BTBD3: variants seen among roughly 807,000 people sequenced by gnomAD.
BTBD3 encodes BTB domain containing 3.
BTBD3 carries 14 observed loss-of-function variants against 41.6 expected under a neutral mutation model. That is an observed-to-expected ratio of 0.34 (90% CI 0.22 to 0.53). The LOEUF is 0.53. Ranked by LOEUF, BTBD3 falls within the 20% of genes least tolerant of loss-of-function variation. The probability of loss-of-function intolerance (pLI) is 0.95; values close to 1 mark genes in which losing one functional copy is unlikely to be tolerated. For synonymous variants in BTBD3, 249 were observed against 233.7 expected, an observed-to-expected ratio of 1.07 and a Z score of -0.60; for missense variants, 426 against 654.7, an observed-to-expected ratio of 0.65 and a Z score of 3.81.
chr20:11,903,594 G>C (rs1467938674), intron 1 of BTBD3, among the ~76,000 whole-genome samples: 1 of 151,982 alleles, frequency 6.6e-6, no homozygotes, highest in Non-Finnish European at 1.5e-5. Context: ...TGGAAGATTA[G>C]CTCTTTGACT....
At position 11,923,247 on chromosome 20, in the gene BTBD3, C is replaced by T; in HGVS notation, c.1150C>T (p.Arg384Ter). 3 of 1,614,212 alleles carry T rather than the reference C, an allele frequency of 1.9e-6. No homozygotes were observed. The highest frequency in any genetic ancestry group is 2.5e-6 in the Non-Finnish European group (3 of 1,180,038). Residue 384 changes from arginine to a stop codon, truncating the protein, a stop_gained, in exon 4 of 4, where the codon CGA becomes TGA. Coordinates refer to ENST00000378226, the MANE Select transcript of BTBD3 (RefSeq NM_014962.4). LOFTEE classifies it high-confidence loss of function. This position sits in a 1 kb window ranked among gnomAD's most constrained non-coding sequence, Gnocchi z 5.3. ...RCHRFQSCAY[R>*]SNQWRYRGRC... ...TCACCGTTTCCAGTCGTGTGCCTAT[C>T]GAAGCAACCAATGGCGCTATCGTGG...
At chr20:11,900,560 G>C (rs1316188006) in intron 1 of BTBD3, among the ~76,000 whole-genome samples, 1 of 151,988 alleles carries the variant, frequency 6.6e-6, no homozygotes, top group African/African-American at 2.4e-5. Context: ...ACTCTATAGT[G>C]AGGGACTAAT....
intron 1 of BTBD3, among the ~76,000 whole-genome samples, chr20:11,892,854 A>G (rs1353736552): frequency 6.6e-6 from 1 of 152,178 alleles, no homozygotes; most frequent in Non-Finnish European, 1.5e-5. Flanking sequence ...ATCTGTGCGG[A>G]AAAACTTTTG....
At chr20:11,901,476 G>A in intron 1 of BTBD3, among the ~76,000 whole-genome samples, 1 of 152,102 alleles carries the variant, frequency 6.6e-6, no homozygotes, top group East Asian at 1.9e-4. Flanking sequence ...CTCTCATGGT[G>A]GACTTCCTTA....
chr20:11,924,848 G>T lies in BTBD3; in HGVS notation c.*1182G>T, dbSNP rs779064242. The T allele has an allele frequency of 4.6e-5, 7 of 152,584 alleles. No individual in the cohort carries two copies. Among genetic ancestry groups the T allele is most frequent in the Admixed American group, 2.0e-4 (3 of 15,276 alleles). The allele number at this position is 152,584 out of a possible 1,614,324, so 9.5% of individuals were successfully genotyped here. A position where few individuals can be genotyped will look rare whatever the true frequency, so the allele number is the denominator to read the frequency against. On this transcript the variant is annotated 3_prime_UTR_variant, in exon 4 of 4. Transcript: ENST00000378226. ...TAAAGTGCCAACATATGCCTGCAGG[G>T]TTTATAAAAAATGGCCTGGAGTGAC...
intron 1 of BTBD3, among the ~76,000 whole-genome samples, chr20:11,896,212 T>G (rs915986704): frequency 6.6e-6 from 1 of 152,216 alleles, no homozygotes; most frequent in Admixed American, 6.5e-5. Context: ...CAGAGTTGTT[T>G]TCTTCATCTG....
rs2122356875 is a variant in BTBD3, at chr20:11,925,299, C to T, written c.*1633C>T. 1 of 152,790 alleles carries T rather than the reference C, an allele frequency of 6.5e-6. No homozygotes were observed. The highest frequency in any genetic ancestry group is 2.4e-5 in the African/African-American group (1 of 41,562). 9.5% of individuals were successfully genotyped at this position (152,790 alleles called of 1,614,324 possible). A position where few individuals can be genotyped will look rare whatever the true frequency, so the allele number is the denominator to read the frequency against. On this transcript the variant is annotated 3_prime_UTR_variant, in exon 4 of 4. Coordinates refer to ENST00000378226, the MANE Select transcript of BTBD3 (RefSeq NM_014962.4). The stretch of plus-strand genomic sequence containing the variant: ...AGTAAGAGGTGGGACAGTAATGGTC[C>T]TCCTGCTGGCCCCAGCAAGGCCCAT...
upstream of BTBD3, among the ~76,000 whole-genome samples, chr20:11,916,913 C>G (rs1226315319): frequency 6.6e-6 from 1 of 151,908 alleles, no homozygotes; most frequent in Non-Finnish European, 1.5e-5. Context: ...TTTTACTCAC[C>G]AACGCTAGAA....
At chr20:11,903,012 G>A (rs1568609488) in intron 1 of BTBD3, among the ~76,000 whole-genome samples, 2 of 151,926 alleles carry the variant, frequency 1.3e-5, no homozygotes, top group Non-Finnish European at 2.9e-5. Context: ...CTAGATATAA[G>A]TGGACCAGAG....
In BTBD3 at chr20:11,918,164, A is replaced by G; in HGVS notation, c.-112A>G. 8 of 1,485,204 alleles carry G rather than the reference A, an allele frequency of 5.4e-6. No individual in the cohort carries two copies. The highest frequency in any genetic ancestry group is 7.1e-6 in the Non-Finnish European group (8 of 1,129,462). The allele number at this position is 1,485,204 out of a possible 1,614,324, so 92.0% of individuals were successfully genotyped here. On this transcript the variant is annotated 5_prime_UTR_variant, in exon 1 of 4. Transcript: ENST00000378226. ...ACCTTGCCTGGCTGAGAAAAGCAGC[A>G]AAATATCAGCTTTGTTGGTTTCAGT...
At chr20:11,895,721 G>A (rs1390975906) in intron 1 of BTBD3, among the ~76,000 whole-genome samples, 2 of 152,220 alleles carry the variant, frequency 1.3e-5, no homozygotes, top group Admixed American at 6.5e-5. Context: ...ATGGTCTACA[G>A]TGAGGAGGTG....
intron 1 of BTBD3, among the ~76,000 whole-genome samples, chr20:11,903,630 G>A (rs571125911): frequency 3.2e-4 from 49 of 151,582 alleles, no homozygotes; most frequent in African/African-American, 1.2e-3. Flanking sequence ...TTTTTGAGGC[G>A]GAGTTTCGCT....
intron 1 of BTBD3, among the ~76,000 whole-genome samples, chr20:11,906,052 A>T: frequency 6.6e-6 from 1 of 152,030 alleles, no homozygotes; most frequent in East Asian, 1.9e-4. Context: ...GAAAAATTTG[A>T]GCAGATTTAT....
chr20:11,902,035 C>G (rs2056826783), intron 1 of BTBD3, among the ~76,000 whole-genome samples: 1 of 152,042 alleles, frequency 6.6e-6, no homozygotes, highest in African/African-American at 2.4e-5. Context: ...GCACTGATGC[C>G]TGCCCCCACC....
At chr20:11,908,186 A>G (rs558837257) in intron 1 of BTBD3, among the ~76,000 whole-genome samples, 1 of 151,972 alleles carries the variant, frequency 6.6e-6, no homozygotes, top group African/African-American at 2.4e-5. Context: ...ATGCAGAGAG[A>G]CCTGACTCAG....
chr20:11,903,492 G>A (rs960685329), intron 1 of BTBD3, among the ~76,000 whole-genome samples: 10 of 152,156 alleles, frequency 6.6e-5, no homozygotes, highest in Admixed American at 2.0e-4. Flanking sequence ...TCTTCAAAGA[G>A]GATGTCAATT....
intron 1 of BTBD3, among the ~76,000 whole-genome samples, chr20:11,897,536 CTT>C (rs1326803818): frequency 1.9e-4 from 27 of 139,708 alleles, no homozygotes; most frequent in Non-Finnish European, 4.1e-4. Context: ...TGACTCTTCT[CTT>C]TCTCTCCAAC....
upstream of BTBD3, among the ~76,000 whole-genome samples, chr20:11,916,259 A>G (rs554065679): frequency 1.9e-3 from 294 of 152,348 alleles, 1 homozygote; most frequent in Non-Finnish European, 1.4e-3. Flanking sequence ...TGAGCAAGAG[A>G]GAAATCCTTT....
Position 11,895,695 on chromosome 20 carries a change from C to G in BTBD3, c.-126+4741C>G, listed in dbSNP as rs183221466. On this transcript the variant is annotated intron_variant, in intron 1 of 4. Coordinates refer to the BTBD3 transcript ENST00000254977. ...AACAAATCTCTAGTCTTGCTAGGTT[C>G]TAGGATTGTCTGCCAATGGTCTACA... Among the ~76,000 whole-genome samples the G allele has an allele frequency of 3.3e-5, 5 of 152,280 alleles. No homozygotes were observed. In the East Asian group the frequency reaches 9.7e-4, roughly 29 times the overall value.
Sources: gnomAD v4.1 joint callset for allele counts (sites outside exome capture counted in the v4.1 genomes callset) on GRCh38, gnomAD v4.1.1 for gene constraint, Gnocchi (gnomAD v3.1) non-coding constraint, MANE v1.5 for transcripts, NCBI Gene and HGNC (gene_info 2026-07-23, HGNC 2026-07-21) for gene names.